TMCO6: variants seen among roughly 807,000 people sequenced by gnomAD.
TMCO6 encodes the protein transmembrane and coiled-coil domain-containing protein 6.
TMCO6 carries 47 observed loss-of-function variants against 61.8 expected under a neutral mutation model. The observed-to-expected ratio is 0.76, with a 90% confidence interval of 0.60 to 0.97. The LOEUF (loss-of-function observed/expected upper bound fraction) is 0.97. TMCO6 is among the 50% of genes least tolerant of loss of function. The probability of loss-of-function intolerance (pLI) is 0.00; values close to 1 mark genes in which losing one functional copy is unlikely to be tolerated. For synonymous variants in TMCO6, 261 were observed against 254.2 expected (o/e 1.03, Z -0.25); for missense variants, 557 against 601.6 (o/e 0.93, Z 0.78).
chr5:140,643,268 C>G (rs1465614246), intron 7 of TMCO6: 1 of 645,768 alleles, frequency 1.5e-6, no homozygotes, highest in Non-Finnish European at 2.6e-6. Flanking sequence ...GCGATCTCAG[C>G]TCACTGCAAC....
chr5:140,615,875 G>T, the TMCO6 span, among the ~76,000 whole-genome samples: 1 of 152,338 alleles, frequency 6.6e-6, no homozygotes, highest in East Asian at 1.9e-4. Context: ...GCTCATGTGT[G>T]CAATCCCAGC....
chr5:140,647,646 C>A (rs748460855), downstream of TMCO6: 10 of 1,572,634 alleles, frequency 6.4e-6, no homozygotes, highest in African/African-American at 1.2e-4. Context: ...TCTGACCAAC[C>A]GCGGACCCTA....
chr5:140,616,577 G>A, the TMCO6 span, among the ~76,000 whole-genome samples: 330 of 151,992 alleles, frequency 2.2e-3, 1 homozygote, highest in South Asian at 0.01. Flanking sequence ...TAAAAACATT[G>A]AAAATTTAAA....
chr5:140,647,088 A>T, downstream of TMCO6: 2 of 778,276 alleles, frequency 2.6e-6, no homozygotes, highest in Non-Finnish European at 3.9e-6. Flanking sequence ...ACAACGCATC[A>T]TATAACCCTG....
At chr5:140,639,354 C>A, upstream of TMCO6, 2 of 631,512 alleles carry the variant, frequency 3.2e-6, no homozygotes. Flanking sequence ...CGCCCACCGT[C>A]CCCGCGAGGC....
chr5:140,603,125 A>C, the TMCO6 span, among the ~76,000 whole-genome samples: 3 of 151,994 alleles, frequency 2.0e-5, no homozygotes. Flanking sequence ...CATCATGCCC[A>C]AAACACATGC....
Position 140,639,452 on chromosome 5 carries a change from C to T in TMCO6, c.-76C>T, listed in dbSNP as rs1299223560. 4.9e-6 allele frequency: 7 copies of T among 1,420,158 alleles called. No individual in the cohort carries two copies. Among genetic ancestry groups the T allele is most frequent in the Non-Finnish European group, 6.8e-6 (7 of 1,031,024 alleles). The allele number at this position is 1,420,158 out of a possible 1,614,324, so 88.0% of individuals were successfully genotyped here. A position where few individuals can be genotyped will look rare whatever the true frequency, so the allele number is the denominator to read the frequency against. The stretch of plus-strand genomic sequence containing the variant: ...GTTCCCGCCCTGTGCTGAGGCTGCG[C>T]AGTCGGTGCCATCTTCTACGCCCCT... On this transcript the variant is annotated 5_prime_UTR_variant, in exon 1 of 12. Transcript: ENST00000394671.
rs754335549 is a variant in TMCO6, at chr5:140,642,577, T to C, written c.604-9T>C. 3 of 1,614,190 alleles carry C rather than the reference T, an allele frequency of 1.9e-6. No homozygotes were observed. The East Asian group carries it at 6.7e-5, about 36-fold the overall frequency. On this transcript the variant is annotated splice_polypyrimidine_tract_variant and intron_variant, in intron 5 of 11. Coordinates refer to ENST00000394671, the MANE Select transcript of TMCO6 (RefSeq NM_018502.5). ...CTTCCAGTCAGATCCTTACCCTGTC[T>C]ACTTCCAGTCCCCCCATGTGGCTGT...
rs780766977 is a variant in TMCO6, at chr5:140,644,678, G to C, written c.1306G>C (p.Asp436His). ...CTTGCTGCACACACTAGCCTTTTCT[G>C]ACACTGAAGTAGTAGGCCAGAGTTT... ...PALLHTLAFS[D>H]TEVVGQSLEL... The change falls in exon 11 of 12, where the codon GAC becomes CAC. Residue 436 changes from aspartate (D) to histidine (H), a missense_variant. Transcript: ENST00000394671. The C allele has an allele frequency of 6.2e-7, 1 of 1,614,230 alleles. No homozygotes were observed. Among genetic ancestry groups the C allele is most frequent in the Non-Finnish European group, 8.5e-7 (1 of 1,180,052 alleles).
chr5:140,620,324 C>A, the TMCO6 span, among the ~76,000 whole-genome samples: 2 of 152,062 alleles, frequency 1.3e-5, no homozygotes, highest in Admixed American at 6.5e-5. Flanking sequence ...ATGGAGAAGA[C>A]AAAACTATAT....
At chr5:140,621,801 C>T in the TMCO6 span, among the ~76,000 whole-genome samples, 3 of 152,122 alleles carry the variant, frequency 2.0e-5, no homozygotes, top group Non-Finnish European at 2.9e-5. Context: ...ACCCCCTGGG[C>T]GTGGCCATCT....
At chr5:140,599,020 C>G in the TMCO6 span, among the ~76,000 whole-genome samples, 2 of 152,174 alleles carry the variant, frequency 1.3e-5, no homozygotes, top group Non-Finnish European at 2.9e-5. Context: ...AGCATTTGTT[C>G]AATGTAATCT....
At chr5:140,605,773 TGAAA>T in the TMCO6 span, among the ~76,000 whole-genome samples, 1 of 151,966 alleles carries the variant, frequency 6.6e-6, no homozygotes, top group Non-Finnish European at 1.5e-5. Context: ...TTCTGTTTTT[TGAAA>T]GAGTTTAAGT....
At position 140,643,932 on chromosome 5, in the gene TMCO6, C is replaced by G; in HGVS notation, c.1071C>G (p.Leu357=). The stretch of plus-strand genomic sequence containing the variant: ...TTTTCCAGAAACAGCCCAGTCTGCT[C>G]CCTGAGGGCCTTTGGCTCCTCAACA... The part of the protein sequence containing the change: ...QFFFQKQPSL[L]PEGLWLLNNL... Residue 357 remains leucine, a synonymous_variant, in exon 9 of 12, where the codon CTC becomes CTG. Coordinates refer to ENST00000394671, the MANE Select transcript of TMCO6 (RefSeq NM_018502.5). 4 of 1,614,214 alleles carry G rather than the reference C, an allele frequency of 2.5e-6. No homozygotes were observed. Among genetic ancestry groups the G allele is most frequent in the Non-Finnish European group, 2.5e-6 (3 of 1,180,034 alleles).
At chr5:140,627,730 CT>C in the TMCO6 span, among the ~76,000 whole-genome samples, 75,277 of 143,242 alleles carry the variant, frequency 0.53, 19,507 homozygotes, top group African/African-American at 0.55. Flanking sequence ...TTTTTCTTTT[CT>C]TTTTTTTTTT....
upstream of TMCO6, chr5:140,639,397 C>A: frequency 3.3e-6 from 3 of 916,076 alleles, no homozygotes; most frequent in Non-Finnish European, 5.0e-6. Context: ...TCACCCAGCA[C>A]CCACCCCGCT....
chr5:140,606,470 G>A, the TMCO6 span, among the ~76,000 whole-genome samples: 3 of 151,950 alleles, frequency 2.0e-5, no homozygotes, highest in African/African-American at 4.8e-5. Context: ...TGGTTTTACC[G>A]ATTTTCTATT....
downstream of TMCO6, chr5:140,647,389 G>A: frequency 1.2e-6 from 2 of 1,611,174 alleles, no homozygotes; most frequent in Non-Finnish European, 1.7e-6. Flanking sequence ...AGCGCCGCGC[G>A]TGCTGTGGGC....
At chr5:140,645,715 C>T (rs1757353650), downstream of TMCO6, 1 of 1,614,092 alleles carries the variant, frequency 6.2e-7, no homozygotes, top group East Asian at 2.2e-5. Context: ...AACTATTCTG[C>T]ACCCTGGAGG....
Sources: allele counts gnomAD v4.1 joint callset (sites outside exome capture counted in the v4.1 genomes callset), GRCh38; gene constraint gnomAD v4.1.1; transcripts MANE v1.5; gene names NCBI Gene and HGNC (gene_info 2026-07-23, HGNC 2026-07-21).